Variants in MAML3 observed in about 807,000 individuals in gnomAD.
MAML3 encodes mastermind-like protein 3.
In MAML3, 27 loss-of-function variants were observed where a neutral mutation model predicts 101.9. The observed-to-expected ratio is 0.27, with a 90% confidence interval of 0.20 to 0.37. The LOEUF is 0.37. MAML3 is among the 10% of genes least tolerant of loss of function. The pLI is 1.00. For missense variants in MAML3, 1,316 were observed against 1,444.9 expected (o/e 0.91, Z 1.45); for synonymous variants, 501 against 555.9 (o/e 0.90, Z 1.39).
chr4:139,990,823 A>G (rs1197388541), intron 1 of MAML3, among the ~76,000 whole-genome samples: 2 of 152,218 alleles, frequency 1.3e-5, no homozygotes, highest in Non-Finnish European at 2.9e-5. Context: ...AGAATAAAAT[A>G]CCTAGGAATC....
rs147221663 is a variant in MAML3, at chr4:140,033,753, G to A, written c.468+119107C>T. Among the ~76,000 whole-genome samples, 524 of 152,270 alleles carry A rather than the reference G, an allele frequency of 3.4e-3. 4 individuals are homozygous for A. The highest frequency in any genetic ancestry group is 0.012 in the African/African-American group (499 of 41,538). ...ACAGTACTCACCACACAGGGTTATC[G>A]GGATGATTAAGTATGCATGTGTAAG... On this transcript the variant is annotated intron_variant, in intron 1 of 4. Transcript: ENST00000509479.
intron 1 of MAML3, 40 bp downstream of exon 1, chr4:140,152,820 C>A: frequency 6.3e-7 from 1 of 1,585,438 alleles, no homozygotes; most frequent in Non-Finnish European, 8.6e-7. Context: ...CACCACCACC[C>A]CCAACGCGCG....
chr4:140,041,370 T>C (rs1411556777), intron 1 of MAML3, among the ~76,000 whole-genome samples: 1 of 152,106 alleles, frequency 6.6e-6, no homozygotes, highest in Non-Finnish European at 1.5e-5. Context: ...ACCTCTGTAA[T>C]ACCAGCAGTT....
intron 2 of MAML3, among the ~76,000 whole-genome samples, chr4:139,800,002 G>C (rs1311301955): frequency 6.6e-6 from 1 of 152,068 alleles, no homozygotes; most frequent in African/African-American, 2.4e-5. Context: ...TTAAATCTTT[G>C]CATGAAACAA....
chr4:139,909,325 G>T (rs1448133777), intron 1 of MAML3, among the ~76,000 whole-genome samples: 2 of 152,170 alleles, frequency 1.3e-5, no homozygotes, highest in African/African-American at 4.8e-5. Flanking sequence ...TTCTCTAACT[G>T]CATGAATATT....
At chr4:140,109,733 T>A (rs1482999953) in intron 1 of MAML3, among the ~76,000 whole-genome samples, 6 of 152,176 alleles carry the variant, frequency 3.9e-5, no homozygotes. Context: ...CCAATGCCTC[T>A]AACATATTTT....
intron 1 of MAML3, among the ~76,000 whole-genome samples, chr4:140,080,566 G>A: frequency 6.6e-6 from 1 of 152,160 alleles, no homozygotes; most frequent in East Asian, 1.9e-4. Flanking sequence ...AATAGAAGGA[G>A]AAGAAACTGG....
At chr4:139,853,592 C>T (rs1731599445) in intron 2 of MAML3, among the ~76,000 whole-genome samples, 1 of 152,166 alleles carries the variant, frequency 6.6e-6, no homozygotes, top group Non-Finnish European at 1.5e-5. Context: ...CAAGCTTTAT[C>T]TCCCAGAGAA....
chr4:139,868,073 C>T (rs889955815), intron 2 of MAML3, among the ~76,000 whole-genome samples: 3 of 152,190 alleles, frequency 2.0e-5, no homozygotes, highest in African/African-American at 7.2e-5. Context: ...CTGTGGGAAA[C>T]AGGGAAACAC....
At chr4:140,058,269 C>CTT (rs56408865) in intron 1 of MAML3, among the ~76,000 whole-genome samples, 19 of 148,604 alleles carry the variant, frequency 1.3e-4, no homozygotes, top group East Asian at 2.0e-4. Flanking sequence ...GCTCAGAGTA[C>CTT]TTTTTTTTTT....
intron 2 of MAML3, chr4:139,731,130 C>T (rs1206757758): frequency 6.0e-6 from 1 of 166,896 alleles, no homozygotes; most frequent in Non-Finnish European, 1.3e-5. Flanking sequence ...CAGAAAACTG[C>T]AGGAATTTGT....
chr4:139,967,741 C>A (rs139237222), intron 1 of MAML3, among the ~76,000 whole-genome samples: 2 of 152,074 alleles, frequency 1.3e-5, no homozygotes, highest in Non-Finnish European at 2.9e-5. Flanking sequence ...TTTTTTCAAA[C>A]GCCTGGACAA....
intron 2 of MAML3, among the ~76,000 whole-genome samples, chr4:139,864,331 ATAAT>A (rs897044932): frequency 9.9e-5 from 15 of 152,160 alleles, no homozygotes; most frequent in African/African-American, 2.7e-4. Context: ...CTCCAGTATA[ATAAT>A]TAATTACTCA....
At chr4:140,015,628 C>A (rs1390036601) in intron 1 of MAML3, among the ~76,000 whole-genome samples, 1 of 152,110 alleles carries the variant, frequency 6.6e-6, no homozygotes, top group Non-Finnish European at 1.5e-5. Context: ...GAAGTGCTAG[C>A]CAGGGCAATA....
At chr4:139,853,408 G>A (rs1731594830) in intron 2 of MAML3, among the ~76,000 whole-genome samples, 1 of 152,136 alleles carries the variant, frequency 6.6e-6, no homozygotes. Flanking sequence ...AGGGCAGGTG[G>A]GGGGCCTGCA....
intron 2 of MAML3, among the ~76,000 whole-genome samples, chr4:139,847,730 T>C (rs1456339788): frequency 6.6e-6 from 1 of 152,234 alleles, no homozygotes; most frequent in Admixed American, 6.5e-5. Flanking sequence ...CACTTGATTA[T>C]TGTGACAACT....
At position 140,093,412 on chromosome 4, in the gene MAML3, G is replaced by GTTTTTTT. The variant is rs1211054649; in HGVS notation, c.468+59447_468+59448insAAAAAAA. Among the ~76,000 whole-genome samples the GTTTTTTT allele has an allele frequency of 1.6e-5, 2 of 126,852 alleles. 1 individual carries two copies. The highest frequency in any genetic ancestry group is 3.5e-5 in the Non-Finnish European group (2 of 57,032). The allele number at this position is 126,852 out of a possible 152,430, so 83.2% of individuals were successfully genotyped here. On this transcript the variant is annotated intron_variant, in intron 1 of 4. Transcript: ENST00000509479. ...ACCACAAAAGCTAAGACTCATGTTT[G>GTTTTTTT]TTTGTTTTTTTTTTTTTTTTTTGAG... is the stretch of plus-strand genomic sequence containing the variant.
chr4:140,010,965 A>AAC (rs1160531951), intron 1 of MAML3, among the ~76,000 whole-genome samples: 15 of 151,568 alleles, frequency 9.9e-5, no homozygotes, highest in African/African-American at 3.1e-4. Context: ...GCATGGTGGC[A>AAC]AGTGCCTGTA....
intron 1 of MAML3, among the ~76,000 whole-genome samples, chr4:140,127,497 A>G (rs1728702870): frequency 6.6e-6 from 1 of 152,220 alleles, no homozygotes; most frequent in South Asian, 2.1e-4. Flanking sequence ...AGCACCTTCC[A>G]CACGAGAGGT....
Sources: gnomAD v4.1 joint callset for allele counts (sites outside exome capture counted in the v4.1 genomes callset) on GRCh38, gnomAD v4.1.1 for gene constraint, MANE v1.5 for transcripts, NCBI Gene and HGNC (gene_info 2026-07-23, HGNC 2026-07-21) for gene names.